The following BRINP3 variants were observed in gnomAD, a reference collection of about 807,000 sequenced individuals.
BRINP3 encodes BMP/retinoic acid-inducible neural-specific protein 3.
In BRINP3, 19 loss-of-function variants were observed where a neutral mutation model predicts 71.0. The observed-to-expected ratio is 0.27, with a 90% CI of 0.19 to 0.39. The LOEUF is 0.39. Among genes scored for constraint, BRINP3 ranks in the 10% least tolerant of loss-of-function variants. The pLI, the probability that BRINP3 is intolerant of heterozygous loss-of-function variation, is 1.00. For synonymous variants in BRINP3, 380 were observed against 337.7 expected (o/e 1.13, Z -1.37); for missense variants, 959 against 940.8 (o/e 1.02, Z -0.25).
At chr1:190,324,865 C>T (rs971612460) in intron 2 of BRINP3, among the ~76,000 whole-genome samples, 1 of 151,664 alleles carries the variant, frequency 6.6e-6, no homozygotes, top group African/African-American at 2.4e-5. Context: ...TATTGATTAC[C>T]TTAAAATAAG....
intron 2 of BRINP3, among the ~76,000 whole-genome samples, chr1:190,335,336 G>T (rs554398412): frequency 6.6e-6 from 1 of 151,874 alleles, no homozygotes; most frequent in Non-Finnish European, 1.5e-5. Context: ...TTTACTACTT[G>T]CCTTAAAAGA....
intron 6 of BRINP3, among the ~76,000 whole-genome samples, chr1:190,173,865 G>A (rs1247655607): frequency 6.6e-6 from 1 of 152,062 alleles, no homozygotes; most frequent in African/African-American, 2.4e-5. Flanking sequence ...TGGAATAAAA[G>A]AAAACATCTG....
At chr1:190,433,171 A>G (rs1378412358) in intron 2 of BRINP3, among the ~76,000 whole-genome samples, 3 of 152,266 alleles carry the variant, frequency 2.0e-5, no homozygotes, top group African/African-American at 7.2e-5. Flanking sequence ...CTTTTCATAG[A>G]CCACTGCAAA....
chr1:190,446,923 C>G (rs1381075985), intron 2 of BRINP3, among the ~76,000 whole-genome samples: 1 of 150,936 alleles, frequency 6.6e-6, no homozygotes, highest in Non-Finnish European at 1.5e-5. Flanking sequence ...CTGGCTTGCT[C>G]TAGGAAATTA....
intron 2 of BRINP3, among the ~76,000 whole-genome samples, chr1:190,301,184 T>TAC (rs1664674296): frequency 2.7e-5 from 3 of 112,900 alleles, no homozygotes; most frequent in African/African-American, 9.7e-5. Context: ...TACATATATA[T>TAC]ATGTATATAT....
chr1:190,261,117 A>C (rs1661145724), intron 4 of BRINP3, among the ~76,000 whole-genome samples: 1 of 152,104 alleles, frequency 6.6e-6, no homozygotes, highest in Admixed American at 6.5e-5. Context: ...TGTGTGACAT[A>C]ATATGTCAGG....
intron 2 of BRINP3, among the ~76,000 whole-genome samples, chr1:190,342,014 T>G (rs199692494): frequency 8.2e-4 from 4 of 4,872 alleles, no homozygotes; most frequent in Non-Finnish European, 1.8e-3. Flanking sequence ...TATTTCTGTG[T>G]TTTTTTTTTT....
chr1:190,446,715 T>A (rs1247742639), intron 2 of BRINP3, among the ~76,000 whole-genome samples: 1 of 152,086 alleles, frequency 6.6e-6, no homozygotes, highest in African/African-American at 2.4e-5. Context: ...AGTTCAGCCT[T>A]AATTTTACAA....
At chr1:190,426,369 A>G (rs533675534) in intron 2 of BRINP3, among the ~76,000 whole-genome samples, 1 of 151,998 alleles carries the variant, frequency 6.6e-6, no homozygotes, top group South Asian at 2.1e-4. Flanking sequence ...CCAGAAGATA[A>G]TAAGACAGGT....
intron 2 of BRINP3, among the ~76,000 whole-genome samples, chr1:190,301,114 T>A (rs556776696): frequency 1.3e-4 from 19 of 148,612 alleles, no homozygotes; most frequent in Non-Finnish European, 2.5e-4. Context: ...GTGTATATAT[T>A]TTATTGATGG....
intron 6 of BRINP3, among the ~76,000 whole-genome samples, chr1:190,207,568 A>G (rs1220265453): frequency 6.6e-6 from 1 of 152,142 alleles, no homozygotes; most frequent in Admixed American, 6.6e-5. Context: ...CAGGCCATTT[A>G]GCCTCATGTC....
chr1:190,326,743 A>G (rs1666601810), intron 2 of BRINP3, among the ~76,000 whole-genome samples: 1 of 152,244 alleles, frequency 6.6e-6, no homozygotes, highest in South Asian at 2.1e-4. Context: ...TTTCCAGACA[A>G]ACAAGCACTA....
chr1:190,394,235 T>C (rs1244144682), intron 2 of BRINP3, among the ~76,000 whole-genome samples: 2 of 151,572 alleles, frequency 1.3e-5, no homozygotes, highest in African/African-American at 4.8e-5. Flanking sequence ...AAAATACTTC[T>C]CTCTCTTTTC....
chr1:190,111,709 G>T (rs1475279588), intron 7 of BRINP3, among the ~76,000 whole-genome samples: 1 of 152,066 alleles, frequency 6.6e-6, no homozygotes, highest in Non-Finnish European at 1.5e-5. Flanking sequence ...GTCTCAAGCT[G>T]CAGGAGCCAT....
intron 2 of BRINP3, among the ~76,000 whole-genome samples, chr1:190,363,698 G>A (rs986735819): frequency 1.3e-5 from 2 of 152,168 alleles, no homozygotes; most frequent in Non-Finnish European, 2.9e-5. Flanking sequence ...GGGATCATCT[G>A]GGAGATAGCA....
rs567742225 is a variant in BRINP3, at chr1:190,143,625, C to T, written c.1184+17043G>A. Among the ~76,000 whole-genome samples the T allele has an allele frequency of 2.6e-5, 4 of 152,184 alleles. No individual in the cohort carries two copies. In the South Asian group the frequency reaches 8.3e-4, roughly 32 times the overall value. The stretch of plus-strand genomic sequence containing the variant: ...TTTTATAGATGAGTAAGGGCTGAAT[C>T]CAAAAACATTTAATGACTAGCACTG... On this transcript the variant is annotated intron_variant, in intron 7 of 7. Coordinates refer to ENST00000367462, the MANE Select transcript of BRINP3 (RefSeq NM_199051.3).
At chr1:190,470,604 A>G (rs1677071482) in intron 1 of BRINP3, among the ~76,000 whole-genome samples, 1 of 151,206 alleles carries the variant, frequency 6.6e-6, no homozygotes, top group South Asian at 2.1e-4. Context: ...CTTGAACAAT[A>G]AAACATTGAC....
intron 7 of BRINP3, among the ~76,000 whole-genome samples, chr1:190,113,730 G>A (rs976332028): frequency 6.6e-6 from 1 of 152,122 alleles, no homozygotes; most frequent in Non-Finnish European, 1.5e-5. Flanking sequence ...TAAAACCAGG[G>A]AGCATATTTC....
intron 7 of BRINP3, among the ~76,000 whole-genome samples, chr1:190,106,043 A>C (rs181296078): frequency 5.3e-5 from 8 of 152,086 alleles, no homozygotes; most frequent in African/African-American, 1.9e-4. Context: ...AAAAGGTTTA[A>C]AAAGTATTAT....
Sources: gnomAD v4.1 joint callset for allele counts (sites outside exome capture counted in the v4.1 genomes callset) on GRCh38, gnomAD v4.1.1 for gene constraint, MANE v1.5 for transcripts, NCBI Gene and HGNC (gene_info 2026-07-23, HGNC 2026-07-21) for gene names.